Variants in TRHDE observed in about 807,000 individuals in gnomAD.
TRHDE encodes the protein thyrotropin-releasing hormone-degrading ectoenzyme.
A neutral mutation model predicts 125.7 loss-of-function variants in TRHDE; 72 were observed. The observed-to-expected ratio is 0.57, with a 90% CI of 0.47 to 0.70. The LOEUF is 0.70. Among genes scored for constraint, TRHDE ranks in the 30% least tolerant of loss-of-function variants. The probability of loss-of-function intolerance (pLI) is 0.00; values close to 1 mark genes in which losing one functional copy is unlikely to be tolerated. For missense variants in TRHDE, 1,110 were observed against 1,327.1 expected (o/e 0.84, Z 2.54); for synonymous variants, 509 against 509.1 (o/e 1.00, Z 0.00).
chr12:72,198,412 T>A (rs901961573), intron 2 of TRHDE, among the ~76,000 whole-genome samples: 1 of 152,202 alleles, frequency 6.6e-6, no homozygotes, highest in Non-Finnish European at 1.5e-5. Context: ...GATTATACTA[T>A]ATTGTTCACT....
At chr12:72,377,264 A>G (rs1012350832) in intron 2 of TRHDE, among the ~76,000 whole-genome samples, 1 of 151,618 alleles carries the variant, frequency 6.6e-6, no homozygotes. Context: ...TTTTCCATAC[A>G]ATTGTTAGTT....
intron 6 of TRHDE, among the ~76,000 whole-genome samples, chr12:72,501,759 A>C (rs1299907938): frequency 1.3e-5 from 2 of 152,040 alleles, no homozygotes; most frequent in Non-Finnish European, 2.9e-5. Flanking sequence ...AATTTATATT[A>C]TGTCTTTCTT....
chr12:72,502,316 A>T (rs1878191378), intron 6 of TRHDE, among the ~76,000 whole-genome samples: 1 of 152,060 alleles, frequency 6.6e-6, no homozygotes. Flanking sequence ...CTAAGTGTAC[A>T]ACTTAGGAAA....
At chr12:72,276,865 G>A (rs142803652) in intron 1 of TRHDE, among the ~76,000 whole-genome samples, 113 of 152,306 alleles carry the variant, frequency 7.4e-4, no homozygotes, top group African/African-American at 2.4e-3. Flanking sequence ...AAATGGGTGT[G>A]TATTTATGCT....
intron 2 of TRHDE, among the ~76,000 whole-genome samples, chr12:72,245,579 T>A (rs1878560558): frequency 6.6e-6 from 1 of 152,166 alleles, no homozygotes; most frequent in Non-Finnish European, 1.5e-5. Flanking sequence ...TCCTACCAGA[T>A]GCAGCAGGAT....
At chr12:72,342,975 G>T (rs1405847643) in intron 2 of TRHDE, among the ~76,000 whole-genome samples, 3 of 152,060 alleles carry the variant, frequency 2.0e-5, no homozygotes, top group African/African-American at 7.2e-5. Context: ...CTATGAGGTG[G>T]GTCCTGTTAC....
intron 14 of TRHDE, 90 bp downstream of exon 14, chr12:72,621,295 C>A: frequency 1.2e-6 from 1 of 836,222 alleles, no homozygotes; most frequent in Non-Finnish European, 2.0e-6. Context: ...CTGCATGAGA[C>A]AATCTTCCTT....
At chr12:72,366,629 A>G (rs981447029) in intron 2 of TRHDE, among the ~76,000 whole-genome samples, 1 of 152,072 alleles carries the variant, frequency 6.6e-6, no homozygotes. Flanking sequence ...TTGTAGAAAG[A>G]TAAGCCAAAC....
intron 2 of TRHDE, among the ~76,000 whole-genome samples, chr12:72,185,831 G>A (rs1432412429): frequency 6.6e-6 from 1 of 151,828 alleles, no homozygotes; most frequent in Non-Finnish European, 1.5e-5. Flanking sequence ...ACACCAATCA[G>A]CACCCTGTGT....
chr12:72,628,279 C>T (rs1592581880), intron 15 of TRHDE, among the ~76,000 whole-genome samples: 1 of 151,812 alleles, frequency 6.6e-6, no homozygotes, highest in Non-Finnish European at 1.5e-5. Flanking sequence ...ACAATTTGAC[C>T]TGTCAGTAAA....
intron 2 of TRHDE, among the ~76,000 whole-genome samples, chr12:72,360,892 G>A (rs141141290): frequency 0.01 from 1,580 of 151,646 alleles, 29 homozygotes; most frequent in African/African-American, 0.035. Flanking sequence ...ATAGGTAAAC[G>A]TGTGCTGGGG....
chr12:72,457,726 C>CT (rs933274622), intron 3 of TRHDE, among the ~76,000 whole-genome samples: 3 of 152,074 alleles, frequency 2.0e-5, no homozygotes, highest in Non-Finnish European at 2.9e-5. Flanking sequence ...AGGAACTGGC[C>CT]TTAAGGCACA....
At chr12:72,604,146 C>T (rs1872331077) in intron 12 of TRHDE, among the ~76,000 whole-genome samples, 1 of 152,038 alleles carries the variant, frequency 6.6e-6, no homozygotes, top group Non-Finnish European at 1.5e-5. Flanking sequence ...GGATAAAAAA[C>T]AGGTGGTATA....
In TRHDE at chr12:72,141,562, T is replaced by C. The variant is rs567364747; in HGVS notation, n.279+35810T>C. ...CTTAGGATGACTTGGCTTTTTATTA[T>C]AGCAGTTTTGTGCCTCTGAAGCTGC... is the stretch of plus-strand genomic sequence containing the variant. On this transcript the variant is annotated intron_variant and non_coding_transcript_variant, in intron 2 of 4. Transcript: ENST00000548156. Among the ~76,000 whole-genome samples, 96 of 152,382 alleles carry C rather than the reference T, an allele frequency of 6.3e-4. 1 individual carries two copies. Among genetic ancestry groups the C allele is most frequent in the African/African-American group, 2.2e-3 (93 of 41,594 alleles).
chr12:72,127,482 A>G (rs1457367092), intron 2 of TRHDE, among the ~76,000 whole-genome samples: 1 of 152,238 alleles, frequency 6.6e-6, no homozygotes, highest in East Asian at 1.9e-4. Context: ...TGGTACATAC[A>G]CACCATGGAC....
chr12:72,473,014 A>T, intron 4 of TRHDE, 53 bp from the exon 5 acceptor site: 1 of 1,304,156 alleles, frequency 7.7e-7, no homozygotes, highest in Non-Finnish European at 1.1e-6. Context: ...TAGATAAAAT[A>T]GTTTGGGGAT....
chr12:72,092,214 C>A (rs1373992160), intron 1 of TRHDE, among the ~76,000 whole-genome samples: 1 of 152,142 alleles, frequency 6.6e-6, no homozygotes, highest in Non-Finnish European at 1.5e-5. Context: ...AATTTCTTTT[C>A]CACTGTAATC....
chr12:72,447,640 C>T (rs1238876695), intron 3 of TRHDE, among the ~76,000 whole-genome samples: 1 of 152,012 alleles, frequency 6.6e-6, no homozygotes, highest in Non-Finnish European at 1.5e-5. Flanking sequence ...CCATCCTAGT[C>T]TATCTCGGGT....
chr12:72,344,544 G>A (rs570489887), intron 2 of TRHDE, among the ~76,000 whole-genome samples: 185 of 152,068 alleles, frequency 1.2e-3, no homozygotes, highest in Non-Finnish European at 2.3e-3. Flanking sequence ...GAGTCCTACC[G>A]TGTGCCATGT....
Sources: gnomAD v4.1 joint callset for allele counts (sites outside exome capture counted in the v4.1 genomes callset) on GRCh38, gnomAD v4.1.1 for gene constraint, MANE v1.5 for transcripts, NCBI Gene and HGNC (gene_info 2026-07-23, HGNC 2026-07-21) for gene names.